The following XIAP variants were observed in gnomAD, a reference collection of about 807,000 sequenced individuals.
XIAP encodes E3 ubiquitin-protein ligase XIAP.
XIAP carries 3 observed loss-of-function variants against 33.1 expected under a neutral mutation model. That is an observed-to-expected ratio of 0.09 (90% CI 0.04 to 0.23). XIAP has a LOEUF of 0.23. Ranked by LOEUF, XIAP falls within the 10% of genes least tolerant of loss-of-function variation. The pLI, the probability that XIAP is intolerant of heterozygous loss-of-function variation, is 1.00. For missense variants in XIAP, 264 were observed against 363.0 expected, an observed-to-expected ratio of 0.73 and a Z score of 2.22; for synonymous variants, 98 against 121.3, an observed-to-expected ratio of 0.81 and a Z score of 1.26.
chrX:123,867,671 C>CTTT (rs747177182), intron 1 of XIAP, among the ~76,000 whole-genome samples: 1,717 of 66,866 alleles, frequency 0.026, 122 homozygotes, highest in Non-Finnish European at 0.038. Flanking sequence ...CGTACCTGGC[C>CTTT]TTTTTTTTTT....
intron 1 of XIAP, among the ~76,000 whole-genome samples, chrX:123,866,632 A>AAT (rs1377894365): frequency 9.7e-6 from 1 of 103,100 alleles, no homozygotes; most frequent in Non-Finnish European, 1.9e-5. Flanking sequence ...ATATATGTAA[A>AAT]ATATATATAA....
chrX:123,883,044 C>T (rs893346811), intron 1 of XIAP, among the ~76,000 whole-genome samples: 2 of 109,526 alleles, frequency 1.8e-5, no homozygotes, highest in Admixed American at 9.8e-5. Flanking sequence ...ACCCACCCTC[C>T]TCAGCCTCCC....
intron 1 of XIAP, among the ~76,000 whole-genome samples, chrX:123,876,668 G>A (rs1045514628): frequency 1.8e-5 from 2 of 110,611 alleles, no homozygotes; most frequent in African/African-American, 6.6e-5. Context: ...TCACACTACT[G>A]CACTCCAACT....
chrX:123,887,074 C>T (rs956885294), intron 2 of XIAP, among the ~76,000 whole-genome samples: 9 of 111,800 alleles, frequency 8.1e-5, no homozygotes, highest in Non-Finnish European at 1.5e-4. Context: ...CATGTGCCAC[C>T]ACGCCCGGCT....
intron 6 of XIAP, 141 bp downstream of exon 6, chrX:123,900,834 A>C (rs1467776640): frequency 1.9e-6 from 1 of 533,932 alleles, no homozygotes; most frequent in Non-Finnish European, 3.2e-6. Context: ...TAGTCTGCTC[A>C]AGCTGCTATA....
At chrX:123,865,900 G>A (rs747695470) in intron 1 of XIAP, among the ~76,000 whole-genome samples, 356 of 109,272 alleles carry the variant, frequency 3.3e-3, no homozygotes, top group African/African-American at 0.011. Flanking sequence ...GATTACAGGC[G>A]TGTGCTACCA....
intron 2 of XIAP, among the ~76,000 whole-genome samples, chrX:123,887,933 G>A (rs1215451074): frequency 9.2e-6 from 1 of 108,467 alleles, no homozygotes; most frequent in Non-Finnish European, 1.9e-5. Flanking sequence ...GCAGTGAGCC[G>A]TGATCGCGCC....
chrX:123,861,433 C>A (rs1402245586), intron 1 of XIAP, among the ~76,000 whole-genome samples: 4 of 110,575 alleles, frequency 3.6e-5, no homozygotes, highest in Non-Finnish European at 5.7e-5. Context: ...AGATTCCCCC[C>A]CACCCCCACA....
At chrX:123,904,777 C>A (rs1446500526) in intron 6 of XIAP, among the ~76,000 whole-genome samples, 1 of 111,517 alleles carries the variant, frequency 9.0e-6, no homozygotes, top group Admixed American at 9.6e-5. Context: ...GCATGCGCCA[C>A]CACACCCAGC....
intron 1 of XIAP, among the ~76,000 whole-genome samples, chrX:123,865,134 G>T (rs2053123257): frequency 1.8e-5 from 2 of 109,646 alleles, no homozygotes; most frequent in Non-Finnish European, 3.8e-5. Flanking sequence ...AGATAATCTG[G>T]TAATAGTTTT....
intron 5 of XIAP, among the ~76,000 whole-genome samples, chrX:123,897,308 A>C (rs1021399363): frequency 8.9e-6 from 1 of 112,005 alleles, no homozygotes; most frequent in African/African-American, 3.2e-5. Context: ...ATATTTAAGA[A>C]ACCATTGCCT....
chrX:123,900,405 A>T, intron 5 of XIAP, 88 bp from the exon 6 acceptor site: 1 of 844,466 alleles, frequency 1.2e-6, no homozygotes, highest in South Asian at 2.4e-5. Context: ...TAATTTTTTC[A>T]TTTTAACTAT....
At chrX:123,869,720 C>G (rs1309537350) in intron 1 of XIAP, among the ~76,000 whole-genome samples, 1 of 111,749 alleles carries the variant, frequency 8.9e-6, no homozygotes, top group East Asian at 2.8e-4. Flanking sequence ...GTCATAATCA[C>G]TGGGTGCATG....
At chrX:123,866,336 G>A (rs890802790) in intron 1 of XIAP, among the ~76,000 whole-genome samples, 13 of 107,657 alleles carry the variant, frequency 1.2e-4, no homozygotes, top group Non-Finnish European at 1.7e-4. Context: ...GCCTCCCAAA[G>A]TGCCAGGATT....
chrX:123,892,164 G>A (rs1407370075), intron 4 of XIAP, among the ~76,000 whole-genome samples: 2 of 111,068 alleles, frequency 1.8e-5, no homozygotes, highest in African/African-American at 3.3e-5. Context: ...TCAGGAGTTC[G>A]AGACCAGCTT....
intron 6 of XIAP, among the ~76,000 whole-genome samples, chrX:123,901,197 G>T (rs1015407929): frequency 1.8e-5 from 2 of 111,681 alleles, no homozygotes; most frequent in Non-Finnish European, 3.8e-5. Context: ...TACCAGCCTG[G>T]ACAACATAAT....
intron 6 of XIAP, among the ~76,000 whole-genome samples, chrX:123,901,873 C>T (rs1357596441): frequency 9.0e-6 from 1 of 110,918 alleles, no homozygotes; most frequent in Non-Finnish European, 1.9e-5. Flanking sequence ...CACTCTGTCG[C>T]CCAGGCTGGA....
chrX:123,867,668 G>GAA (rs2053155112), intron 1 of XIAP, among the ~76,000 whole-genome samples: 1 of 85,223 alleles, frequency 1.2e-5, no homozygotes, highest in Non-Finnish European at 2.3e-5. Context: ...CCCCGTACCT[G>GAA]GCCTTTTTTT....
intron 1 of XIAP, among the ~76,000 whole-genome samples, chrX:123,866,795 C>T (rs1398469565): frequency 1.9e-5 from 2 of 105,929 alleles, no homozygotes; most frequent in East Asian, 2.9e-4. Flanking sequence ...TCTTCTGCCT[C>T]AGCCTCCCAA....
Sources: gnomAD v4.1 joint callset for allele counts (sites outside exome capture counted in the v4.1 genomes callset) on GRCh38, gnomAD v4.1.1 for gene constraint, MANE v1.5 for transcripts, NCBI Gene and HGNC (gene_info 2026-07-23, HGNC 2026-07-21) for gene names.